The following ESRRG variants were observed in gnomAD, a reference collection of about 807,000 sequenced individuals.
ESRRG encodes the protein estrogen related receptor gamma, also known as estrogen-related receptor gamma.
ESRRG carries 13 observed loss-of-function variants against 44.0 expected under a neutral mutation model. The ratio of observed to expected loss-of-function variants is 0.30; its 90% CI spans 0.19 to 0.47. The LOEUF is 0.47. ESRRG is among the 20% of genes least tolerant of loss of function. The pLI, the probability that ESRRG is intolerant of heterozygous loss-of-function variation, is 1.00. For missense variants in ESRRG, 395 were observed against 580.6 expected, an observed-to-expected ratio of 0.68 and a Z score of 3.29; for synonymous variants, 215 against 214.6, an observed-to-expected ratio of 1.00 and a Z score of -0.02.
At chr1:216,696,159 A>G (rs542382080) in intron 1 of ESRRG, among the ~76,000 whole-genome samples, 1 of 152,164 alleles carries the variant, frequency 6.6e-6, no homozygotes, top group Non-Finnish European at 1.5e-5. Flanking sequence ...TTACAACCCT[A>G]CTGGTTCTCA....
At chr1:217,046,297 A>G (rs964339480) in intron 1 of ESRRG, among the ~76,000 whole-genome samples, 17 of 152,184 alleles carry the variant, frequency 1.1e-4, no homozygotes, top group Non-Finnish European at 1.9e-4. Flanking sequence ...ATCTTATACA[A>G]AAGAGATGAT....
chr1:216,752,166 A>G (rs1337844247), intron 2 of ESRRG, among the ~76,000 whole-genome samples: 3 of 152,124 alleles, frequency 2.0e-5, no homozygotes, highest in Admixed American at 6.6e-5. Flanking sequence ...GGAAACTGAG[A>G]TGTAAAAGAG....
At chr1:216,572,080 C>T (rs762084975) in intron 3 of ESRRG, among the ~76,000 whole-genome samples, 2 of 152,070 alleles carry the variant, frequency 1.3e-5, no homozygotes, top group Non-Finnish European at 2.9e-5. Flanking sequence ...GCTTTTAACT[C>T]GTTTTCAAAA....
chr1:216,704,285 G>A (rs747031727), intron 1 of ESRRG, among the ~76,000 whole-genome samples: 3 of 152,114 alleles, frequency 2.0e-5, no homozygotes, highest in Non-Finnish European at 4.4e-5. Flanking sequence ...AGGCCGAGGC[G>A]GGTGGATCAC....
chr1:217,119,459 C>T (rs1347493020), intron 1 of ESRRG, among the ~76,000 whole-genome samples: 3 of 152,182 alleles, frequency 2.0e-5, no homozygotes, highest in African/African-American at 7.2e-5. Context: ...GCCCTAACGA[C>T]TGAATCCTAA....
Position 216,933,831 on chromosome 1 carries a change from G to A in ESRRG, c.-14+5751C>T, listed in dbSNP as rs553764599. Among the ~76,000 whole-genome samples the A allele has an allele frequency of 2.6e-5, 4 of 152,180 alleles. No homozygotes were observed. The East Asian group carries it at 5.8e-4, about 22-fold the overall frequency. On this transcript the variant is annotated intron_variant, in intron 2 of 7. Transcript: ENST00000359162. ...TCTCTGCTTCAAGAGCTCTGCACTT[G>A]TATTCCTCAATTGCATTCTCCCTTG... is the stretch of plus-strand genomic sequence containing the variant.
chr1:216,887,504 G>C lies in ESRRG; in HGVS notation c.-14+52078C>G, dbSNP rs139803160. Among the ~76,000 whole-genome samples the C allele has an allele frequency of 2.3e-3, 355 of 152,258 alleles. 5 individuals are homozygous for C. Among genetic ancestry groups the C allele is most frequent in the African/African-American group, 8.0e-3 (331 of 41,566 alleles). On this transcript the variant is annotated intron_variant, in intron 2 of 7. Transcript: ENST00000359162. ...AAACATGCTGTCGCTTTTATACAAA[G>C]ATGATATTGCATGTACATCCTGGCA...
At chr1:216,985,483 T>C (rs1280602993) in intron 1 of ESRRG, among the ~76,000 whole-genome samples, 3 of 152,246 alleles carry the variant, frequency 2.0e-5, no homozygotes, top group Admixed American at 6.5e-5. Context: ...AATGGCTTTA[T>C]ATCTCCCTGT....
chr1:217,044,766 T>C (rs2084541299), intron 1 of ESRRG, among the ~76,000 whole-genome samples: 2 of 152,166 alleles, frequency 1.3e-5, no homozygotes. Context: ...ACCAGAATAA[T>C]TCACTGGCAC....
At chr1:217,082,609 G>A (rs2091841803) in intron 1 of ESRRG, among the ~76,000 whole-genome samples, 1 of 151,834 alleles carries the variant, frequency 6.6e-6, no homozygotes, top group African/African-American at 2.4e-5. Flanking sequence ...ACATCTCACA[G>A]CTCAGTTAAG....
chr1:216,705,197 T>A (rs2082209423), intron 1 of ESRRG, among the ~76,000 whole-genome samples: 1 of 152,166 alleles, frequency 6.6e-6, no homozygotes, highest in Non-Finnish European at 1.5e-5. Context: ...TTTACACGTT[T>A]TAAGACTTTC....
intron 2 of ESRRG, 80 bp downstream of exon 2, chr1:216,676,996 T>G: frequency 7.3e-5 from 73 of 997,112 alleles, no homozygotes; most frequent in Non-Finnish European, 1.1e-4. Context: ...ACTTGACTTA[T>G]GAGAATAAGA....
chr1:216,689,178 C>T (rs1385837924), intron 1 of ESRRG, among the ~76,000 whole-genome samples: 1 of 152,104 alleles, frequency 6.6e-6, no homozygotes, highest in Non-Finnish European at 1.5e-5. Context: ...TATTTTATTG[C>T]TTTCCAAGTC....
At chr1:217,059,119 T>G (rs1333673743) in intron 1 of ESRRG, among the ~76,000 whole-genome samples, 1 of 149,660 alleles carries the variant, frequency 6.7e-6, no homozygotes, top group Non-Finnish European at 1.5e-5. Context: ...CAGTCCCAGA[T>G]GCCAATTTAC....
At chr1:216,986,794 ATTC>A (rs2074953670) in intron 1 of ESRRG, among the ~76,000 whole-genome samples, 1 of 152,154 alleles carries the variant, frequency 6.6e-6, no homozygotes. Context: ...AGTCTGGAAA[ATTC>A]TTCTAAATCT....
At chr1:217,136,866 G>A (rs115826268) in intron 1 of ESRRG, among the ~76,000 whole-genome samples, 323 of 152,280 alleles carry the variant, frequency 2.1e-3, no homozygotes, top group African/African-American at 7.5e-3. Flanking sequence ...ACAGAAACCA[G>A]GGTCAATAGG....
chr1:216,834,235 T>C (rs1048252427), intron 2 of ESRRG, among the ~76,000 whole-genome samples: 1 of 152,000 alleles, frequency 6.6e-6, no homozygotes, highest in Non-Finnish European at 1.5e-5. Context: ...ACTCCATCTC[T>C]GCAAAAAATA....
At chr1:216,553,105 C>T (rs928693584) in intron 5 of ESRRG, among the ~76,000 whole-genome samples, 1 of 144,782 alleles carries the variant, frequency 6.9e-6, no homozygotes, top group East Asian at 2.0e-4. Flanking sequence ...AGCAGCTTGA[C>T]TTATTTTTTT....
intron 2 of ESRRG, among the ~76,000 whole-genome samples, chr1:216,889,219 T>C (rs1025343014): frequency 6.6e-6 from 1 of 152,188 alleles, no homozygotes; most frequent in Non-Finnish European, 1.5e-5. Context: ...CTCTCCACAC[T>C]GAGAGATCCA....
Sources: allele counts gnomAD v4.1 joint callset (sites outside exome capture counted in the v4.1 genomes callset), GRCh38; gene constraint gnomAD v4.1.1; transcripts MANE v1.5; gene names NCBI Gene and HGNC (gene_info 2026-07-23, HGNC 2026-07-21).